TNFSF4: variants seen among roughly 807,000 people sequenced by gnomAD.
TNFSF4 encodes tumor necrosis factor ligand superfamily member 4.
Under a neutral mutation model 7.3 loss-of-function variants are expected in TNFSF4, and 4 were observed. The ratio of observed to expected loss-of-function variants is 0.55; its 90% confidence interval spans 0.27 to 1.25. The LOEUF is 1.25. Ranked by LOEUF, TNFSF4 falls within the 50% of genes most tolerant of loss-of-function variation. The probability of loss-of-function intolerance (pLI) is 0.12; values close to 1 mark genes in which losing one functional copy is unlikely to be tolerated. For missense variants in TNFSF4, 181 were observed against 208.8 expected (o/e 0.87, Z 0.82); for synonymous variants, 76 against 83.7 (o/e 0.91, Z 0.50).
chr1:173,428,328 T>C, the TNFSF4 span, among the ~76,000 whole-genome samples: 31 of 152,078 alleles, frequency 2.0e-4, no homozygotes, highest in African/African-American at 7.0e-4. Context: ...ACTGTACTAA[T>C]TTACAAGAAA....
chr1:173,448,792 C>T, the TNFSF4 span, among the ~76,000 whole-genome samples: 2 of 152,202 alleles, frequency 1.3e-5, no homozygotes, highest in Admixed American at 1.3e-4. Flanking sequence ...TCTTCAGTTA[C>T]TTCAGGCCAT....
At chr1:173,294,687 T>C in the TNFSF4 span, among the ~76,000 whole-genome samples, 4 of 151,820 alleles carry the variant, frequency 2.6e-5, no homozygotes, top group Admixed American at 2.6e-4. Flanking sequence ...ATAATAAATA[T>C]GTGTACAGAA....
At chr1:173,398,662 G>A in the TNFSF4 span, among the ~76,000 whole-genome samples, 6 of 151,960 alleles carry the variant, frequency 3.9e-5, no homozygotes, top group South Asian at 2.1e-4. Context: ...TCCTGACCTC[G>A]TGATCCACCC....
the TNFSF4 span, among the ~76,000 whole-genome samples, chr1:173,301,168 AATG>A: frequency 6.6e-6 from 1 of 151,946 alleles, no homozygotes; most frequent in Admixed American, 6.6e-5. Flanking sequence ...GAACAGAGCA[AATG>A]AAGAAGCTAT....
At chr1:173,413,062 AGAG>A in the TNFSF4 span, among the ~76,000 whole-genome samples, 1 of 152,348 alleles carries the variant, frequency 6.6e-6, no homozygotes, top group South Asian at 2.1e-4. Flanking sequence ...AAAAATGGAC[AGAG>A]GAGGGAATCT....
the TNFSF4 span, among the ~76,000 whole-genome samples, chr1:173,267,639 C>T: frequency 1.3e-5 from 2 of 152,098 alleles, no homozygotes; most frequent in South Asian, 4.1e-4. Context: ...CTAGGTGGTT[C>T]TGGCTCAAAG....
chr1:173,273,117 G>A, the TNFSF4 span, among the ~76,000 whole-genome samples: 56 of 152,210 alleles, frequency 3.7e-4, 1 homozygote, highest in African/African-American at 1.3e-3. Context: ...GATGTGGATG[G>A]TCTGCCACGG....
chr1:173,390,702 T>C, the TNFSF4 span, among the ~76,000 whole-genome samples: 7 of 152,000 alleles, frequency 4.6e-5, no homozygotes, highest in Non-Finnish European at 8.8e-5. Context: ...CCTTATTAAT[T>C]GTATTATTAG....
At chr1:173,404,480 A>G in the TNFSF4 span, among the ~76,000 whole-genome samples, 2 of 152,224 alleles carry the variant, frequency 1.3e-5, no homozygotes, top group Non-Finnish European at 2.9e-5. Context: ...AGTTAAATGT[A>G]TCATTTTGTT....
At chr1:173,214,775 G>A in the TNFSF4 span, among the ~76,000 whole-genome samples, 4 of 152,268 alleles carry the variant, frequency 2.6e-5, no homozygotes, top group Non-Finnish European at 5.9e-5. Context: ...TGCTTTCTCT[G>A]TGTCAGGCAC....
the TNFSF4 span, among the ~76,000 whole-genome samples, chr1:173,427,558 C>T: frequency 6.6e-6 from 1 of 152,144 alleles, no homozygotes; most frequent in Non-Finnish European, 1.5e-5. Context: ...AAAAGAGAGA[C>T]ATGAGATTTT....
the TNFSF4 span, among the ~76,000 whole-genome samples, chr1:173,212,541 CG>C: frequency 4.1e-5 from 6 of 144,660 alleles, no homozygotes; most frequent in South Asian, 1.1e-3. Context: ...ATCTATTTCA[CG>C]GGGAGGAGGG....
the TNFSF4 span, among the ~76,000 whole-genome samples, chr1:173,224,819 G>A: frequency 6.6e-6 from 1 of 152,116 alleles, no homozygotes; most frequent in African/African-American, 2.4e-5. Flanking sequence ...GAGAGAGCAT[G>A]GCCACAGAAT....
the TNFSF4 span, among the ~76,000 whole-genome samples, chr1:173,446,983 T>TA: frequency 3.9e-5 from 6 of 152,170 alleles, no homozygotes; most frequent in Non-Finnish European, 5.9e-5. Context: ...TCTATCCTAT[T>TA]AGTTCTGTCC....
At chr1:173,416,174 T>A in the TNFSF4 span, among the ~76,000 whole-genome samples, 1 of 152,244 alleles carries the variant, frequency 6.6e-6, no homozygotes, top group East Asian at 1.9e-4. Flanking sequence ...TGGGTGGTGA[T>A]AGTGTAGCTC....
chr1:173,427,414 G>GC, the TNFSF4 span, among the ~76,000 whole-genome samples: 38 of 151,600 alleles, frequency 2.5e-4, no homozygotes, highest in African/African-American at 8.2e-4. Flanking sequence ...GGGAGAGCCC[G>GC]CCCCCCCACT....
chr1:173,436,290 C>T, the TNFSF4 span, among the ~76,000 whole-genome samples: 1 of 152,278 alleles, frequency 6.6e-6, no homozygotes, highest in South Asian at 2.1e-4. Context: ...CAGTGGGCAA[C>T]TGGAACTTAA....
the TNFSF4 span, among the ~76,000 whole-genome samples, chr1:173,218,848 T>A: frequency 6.6e-6 from 1 of 152,162 alleles, no homozygotes; most frequent in African/African-American, 2.4e-5. Context: ...AAAATATATG[T>A]AATAGATTAC....
At chr1:173,328,523 T>C in the TNFSF4 span, among the ~76,000 whole-genome samples, 1 of 145,334 alleles carries the variant, frequency 6.9e-6, no homozygotes, top group African/African-American at 2.6e-5. Flanking sequence ...AATAAAAAAA[T>C]ACAAAGTTTA....
Sources: gnomAD v4.1 joint callset for allele counts (sites outside exome capture counted in the v4.1 genomes callset) on GRCh38, gnomAD v4.1.1 for gene constraint, MANE v1.5 for transcripts, NCBI Gene and HGNC (gene_info 2026-07-23, HGNC 2026-07-21) for gene names.